Variants in GPR139 observed in about 807,000 individuals in gnomAD.
The protein encoded by GPR139 is probable G protein-coupled receptor 139.
A neutral mutation model predicts 25.8 loss-of-function variants in GPR139; 12 were observed. The observed-to-expected ratio is 0.47, with a 90% CI of 0.30 to 0.75. The LOEUF (loss-of-function observed/expected upper bound fraction) is 0.75, where lower values mean the gene tolerates loss of function less well. Among genes scored for constraint, GPR139 ranks in the 30% least tolerant of loss-of-function variants. The probability of loss-of-function intolerance (pLI) is 0.07; values close to 1 mark genes in which losing one functional copy is unlikely to be tolerated. For synonymous variants in GPR139, 184 were observed against 179.9 expected (o/e 1.02, Z -0.18); for missense variants, 380 against 450.2 (o/e 0.84, Z 1.41).
At chr16:20,053,573 G>A (rs2608179) in intron 1 of GPR139, among the ~76,000 whole-genome samples, 115,422 of 152,068 alleles carry the variant, frequency 0.76, 44,453 homozygotes, top group East Asian at 0.97. Flanking sequence ...CAAGAATCCA[G>A]TGGATAACCT....
At chr16:20,057,293 T>A (rs897786721) in intron 1 of GPR139, among the ~76,000 whole-genome samples, 2 of 152,154 alleles carry the variant, frequency 1.3e-5, no homozygotes, top group East Asian at 3.9e-4. Context: ...ATGATGGAAG[T>A]ATCAATCTCA....
intron 1 of GPR139, among the ~76,000 whole-genome samples, chr16:20,034,852 G>GATTT (rs1031674159): frequency 4.6e-5 from 7 of 152,078 alleles, no homozygotes; most frequent in African/African-American, 1.4e-4. Context: ...GGAACTTACT[G>GATTT]ATTTATTTAT....
intron 1 of GPR139, among the ~76,000 whole-genome samples, chr16:20,071,849 T>C (rs1347900300): frequency 5.9e-5 from 9 of 152,038 alleles, no homozygotes; most frequent in Admixed American, 5.9e-4. Context: ...ATGGTTTCAT[T>C]AGAAAAGCCT....
intron 1 of GPR139, among the ~76,000 whole-genome samples, chr16:20,055,681 T>C (rs562720956): frequency 6.6e-6 from 1 of 152,376 alleles, no homozygotes; most frequent in East Asian, 1.9e-4. Flanking sequence ...CACATCTCCA[T>C]TTCAGAAGAC....
chr16:20,052,484 G>A (rs1352709973), intron 1 of GPR139, among the ~76,000 whole-genome samples: 3 of 152,212 alleles, frequency 2.0e-5, no homozygotes, highest in Admixed American at 2.0e-4. Context: ...TCTTCCAGAA[G>A]GGAAGTAATC....
chr16:20,035,133 A>G (rs1398319270), intron 1 of GPR139, among the ~76,000 whole-genome samples: 1 of 152,192 alleles, frequency 6.6e-6, no homozygotes, highest in Non-Finnish European at 1.5e-5. Context: ...CAGTTGCTCC[A>G]TATCCTCTCA....
chr16:20,066,681 C>T (rs2057435460), intron 1 of GPR139, among the ~76,000 whole-genome samples: 1 of 152,176 alleles, frequency 6.6e-6, no homozygotes, highest in African/African-American at 2.4e-5. Flanking sequence ...TGTGAGAAGC[C>T]TTTGCATATT....
chr16:20,050,888 T>C (rs2057369282), intron 1 of GPR139, among the ~76,000 whole-genome samples: 1 of 151,324 alleles, frequency 6.6e-6, no homozygotes, highest in African/African-American at 2.4e-5. Flanking sequence ...ACGGGGAGAC[T>C]CCATCTCTAC....
At chr16:20,045,245 C>A (rs2057350483) in intron 1 of GPR139, among the ~76,000 whole-genome samples, 1 of 152,102 alleles carries the variant, frequency 6.6e-6, no homozygotes, top group East Asian at 1.9e-4. Context: ...GGTGATCCAC[C>A]AGCCTCGGCC....
intron 1 of GPR139, among the ~76,000 whole-genome samples, chr16:20,053,165 C>G (rs751580375): frequency 2.6e-5 from 4 of 152,136 alleles, no homozygotes; most frequent in South Asian, 2.1e-4. Flanking sequence ...AATTTGAAGC[C>G]AAGTCTGATC....
At position 20,032,479 on chromosome 16, in the gene GPR139, C is replaced by A; in HGVS notation, c.318G>T (p.Val106=). Residue 106 remains valine (V), a synonymous_variant, in exon 2 of 2, where the codon GTG becomes GTT. Coordinates refer to ENST00000570682, the MANE Select transcript of GPR139 (RefSeq NM_001002911.4). ...AGGTGTGGATGGATGAGAATTCCAG[C>A]ACTTCTATGATCTTGTCGGGGACCT... The part of the protein sequence containing the change: ...MPQVPDKIIE[V]LEFSSIHTSI... The A allele has an allele frequency of 1.2e-6, 2 of 1,614,132 alleles. No individual in the cohort carries two copies. The highest frequency in any genetic ancestry group is 1.7e-6 in the Non-Finnish European group (2 of 1,180,010).
At chr16:20,062,660 G>T (rs147499611) in intron 1 of GPR139, among the ~76,000 whole-genome samples, 1 of 152,224 alleles carries the variant, frequency 6.6e-6, no homozygotes, top group Non-Finnish European at 1.5e-5. Flanking sequence ...AAAGTGATTT[G>T]CCTTTTTTTC....
In GPR139 at chr16:20,030,416, A is replaced by G. The variant is rs2057283516; in HGVS notation, c.*1319T>C. On this transcript the variant is annotated 3_prime_UTR_variant, in exon 2 of 2. Coordinates refer to ENST00000570682, the MANE Select transcript of GPR139 (RefSeq NM_001002911.4). ...GAAGAAAAAAGAAACACTAAATAAGACGAATATAATCATGTGTGTGTGTGT... is the reference window on the plus strand; with the variant it reads ...GAAGAAAAAAGAAACACTAAATAAGGCGAATATAATCATGTGTGTGTGTGT... Among the ~76,000 whole-genome samples the G allele has an allele frequency of 8.5e-6, 1 of 117,284 alleles. No individual in the cohort carries two copies. The highest frequency in any genetic ancestry group is 9.1e-5 in the Admixed American group (1 of 10,930). The allele number at this position is 117,284 out of a possible 152,430, so 76.9% of individuals were successfully genotyped here. A position where few individuals can be genotyped will look rare whatever the true frequency, so the allele number is the denominator to read the frequency against.
chr16:20,032,394 T>C lies in GPR139; in HGVS notation c.403A>G (p.Lys135Glu). ...GCTGGGTATGAGACCGTGTGGTACT[T>C]GAGCGGGTGGCAGACAGCGATATAC... ...DRYIAVCHPL[K>E]YHTVSYPART... The change falls in exon 2 of 2, where the codon AAG becomes GAG. Residue 135 changes from lysine to glutamate, a missense_variant. By Grantham distance (56) the Lys-to-Glu change is moderately conservative (BLOSUM62 1). Coordinates refer to ENST00000570682, the MANE Select transcript of GPR139 (RefSeq NM_001002911.4). 6.2e-7 allele frequency: 1 copy of C among 1,614,214 alleles called. No individual in the cohort carries two copies. The highest frequency in any genetic ancestry group is 8.5e-7 in the Non-Finnish European group (1 of 1,180,022).
At chr16:20,038,597 C>G (rs1460684844) in intron 1 of GPR139, among the ~76,000 whole-genome samples, 8 of 152,092 alleles carry the variant, frequency 5.3e-5, no homozygotes, top group Non-Finnish European at 1.0e-4. Context: ...AACTAACCCG[C>G]AGACACTGAG....
chr16:20,034,562 T>C (rs575335464), intron 1 of GPR139, among the ~76,000 whole-genome samples: 167 of 152,278 alleles, frequency 1.1e-3, no homozygotes, highest in Non-Finnish European at 1.6e-3. Flanking sequence ...CCGGTCTTGC[T>C]ATGTTGCCCA....
chr16:20,042,426 A>G (rs2141205019), intron 1 of GPR139, among the ~76,000 whole-genome samples: 1 of 152,136 alleles, frequency 6.6e-6, no homozygotes, highest in Non-Finnish European at 1.5e-5. Context: ...GGCACTAACA[A>G]CCCTGTTAAC....
intron 1 of GPR139, among the ~76,000 whole-genome samples, chr16:20,035,512 G>A (rs369925595): frequency 6.6e-6 from 1 of 152,308 alleles, no homozygotes; most frequent in Admixed American, 6.5e-5. Flanking sequence ...CCCTTGAAGG[G>A]GATGGTGAAC....
rs540920409 is a variant in GPR139 at position 20,031,648 on chromosome 16, T to G, written c.*87A>C. The G allele has an allele frequency of 2.9e-6, 3 of 1,041,008 alleles. No homozygotes were observed. The highest frequency in any genetic ancestry group is 2.9e-5 in the South Asian group (2 of 69,484). The allele number at this position is 1,041,008 out of a possible 1,614,324, so 64.5% of individuals were successfully genotyped here. On this transcript the variant is annotated 3_prime_UTR_variant, in exon 2 of 2. Coordinates refer to ENST00000570682, the MANE Select transcript of GPR139 (RefSeq NM_001002911.4). Reference sequence around the variant, plus strand: ...GAGACAGGAAATCGGATTAGCACTCTTAAGGAGAGCTGCTCAGCCATAGGA... The same window carrying G: ...GAGACAGGAAATCGGATTAGCACTCGTAAGGAGAGCTGCTCAGCCATAGGA...
Sources: allele counts gnomAD v4.1 joint callset (sites outside exome capture counted in the v4.1 genomes callset), GRCh38; gene constraint gnomAD v4.1.1; transcripts MANE v1.5; gene names NCBI Gene and HGNC (gene_info 2026-07-23, HGNC 2026-07-21).